Variants in POR observed in about 807,000 individuals in gnomAD.
POR encodes cytochrome p450 oxidoreductase.
Under a neutral mutation model 84.0 loss-of-function variants are expected in POR, and 56 were observed. The observed-to-expected ratio is 0.67, with a 90% CI of 0.54 to 0.83. The LOEUF is 0.83. POR is among the 40% of genes least tolerant of loss of function. The pLI is 0.00. For missense variants in POR, 938 were observed against 944.3 expected, an observed-to-expected ratio of 0.99 and a Z score of 0.09; for synonymous variants, 414 against 400.5, an observed-to-expected ratio of 1.03 and a Z score of -0.40.
At chr7:75,916,479 C>CT (rs56213572) in intron 1 of POR, among the ~76,000 whole-genome samples, 28,446 of 151,902 alleles carry the variant, frequency 0.19, 3,479 homozygotes, top group Non-Finnish European at 0.28. Context: ...GGTCCACTTC[C>CT]TTTTTTTTGG....
intron 7 of POR, 28 bp downstream of exon 7, chr7:75,981,634 G>A: frequency 6.3e-7 from 1 of 1,599,784 alleles, no homozygotes; most frequent in Non-Finnish European, 8.5e-7. Context: ...GGTGCGGTGG[G>A]TGGCCTGGGC....
At chr7:75,926,009 T>C (rs1807098108) in intron 1 of POR, among the ~76,000 whole-genome samples, 1 of 151,652 alleles carries the variant, frequency 6.6e-6, no homozygotes, top group Admixed American at 6.6e-5. Context: ...TCCTGCTTTT[T>C]TTTCTTTCTC....
chr7:75,942,339 T>C (rs540796415), intron 1 of POR, among the ~76,000 whole-genome samples: 44 of 152,334 alleles, frequency 2.9e-4, no homozygotes, highest in East Asian at 1.9e-4. Context: ...TGTAATGAGA[T>C]TGTATAGGTG....
At position 75,981,111 on chromosome 7, in the gene POR, C is replaced by T. The variant is rs782025961; in HGVS notation, c.580C>T (p.Arg194Trp). 1.2e-4 allele frequency: 188 copies of T among 1,566,148 alleles called. No individual in the cohort carries two copies. Among genetic ancestry groups the T allele is most frequent in the Non-Finnish European group, 1.4e-4 (161 of 1,156,544 alleles). Residue 194 changes from arginine (R) to tryptophan (W), a missense_variant, in exon 6 of 16, where the codon CGG becomes TGG. Transcript: ENST00000461988. ...TGCCATGGGCAAGTACGTGGACAAG[C>T]GGCTGGAGCAGCTCGGCGCCCAGCG...
rs782213151 is a variant in POR, at chr7:75,979,475, G to A, written c.262G>A (p.Gly88Ser). The change falls in exon 4 of 16, where the codon GGC becomes AGC. Residue 88 changes from glycine (G) to serine (S), a missense_variant. Gly to Ser is a moderately conservative substitution (Grantham distance 56). Coordinates refer to ENST00000461988, the MANE Select transcript of POR (RefSeq NM_000941.3). Reference sequence around the variant, plus strand: ...GGGGAGGAACATCATCGTGTTCTACGGCTCCCAGACGGGGACTGCAGAGGA... The same window carrying A: ...GGGGAGGAACATCATCGTGTTCTACAGCTCCCAGACGGGGACTGCAGAGGA... 1.3e-5 allele frequency: 21 copies of A among 1,613,454 alleles called. No homozygotes were observed. Among genetic ancestry groups the A allele is most frequent in the Admixed American group, 3.3e-5 (2 of 59,994 alleles).
intron 3 of POR, among the ~76,000 whole-genome samples, chr7:75,979,184 T>C (rs995646888): frequency 1.3e-5 from 2 of 152,238 alleles, no homozygotes; most frequent in African/African-American, 2.4e-5. Context: ...TTTTTAACTT[T>C]GTTTTTTCCC....
At chr7:75,976,204 A>C (rs1431474893) in intron 3 of POR, among the ~76,000 whole-genome samples, 3 of 152,154 alleles carry the variant, frequency 2.0e-5, no homozygotes, top group Non-Finnish European at 4.4e-5. Flanking sequence ...GATAATCATG[A>C]GCACTTTCTC....
intron 2 of POR, among the ~76,000 whole-genome samples, chr7:75,959,795 T>C (rs1787854996): frequency 6.6e-6 from 1 of 152,136 alleles, no homozygotes; most frequent in Admixed American, 6.6e-5. Flanking sequence ...GGGATTTTTG[T>C]TGGAATTGGA....
chr7:75,981,861 C>T, intron 7 of POR: 1 of 579,374 alleles, frequency 1.7e-6, no homozygotes, highest in Non-Finnish European at 3.1e-6. Context: ...TCAACTTTGG[C>T]AAAAGGGCTC....
Position 75,953,987 on chromosome 7 carries a change from A to G in POR, c.-4-2A>G, listed in dbSNP as rs1554553307. ...ACATCTGCTGTTTCTGTCTCCTAAC[A>G]GTTTCATGATCAACATGGGAGACTC... On this transcript the variant is annotated splice_acceptor_variant, in intron 1 of 15. Coordinates refer to ENST00000461988, the MANE Select transcript of POR (RefSeq NM_000941.3). LOFTEE classifies it low-confidence loss of function (5UTR_SPLICE). 3 of 1,578,938 alleles carry G rather than the reference A, an allele frequency of 1.9e-6. No individual in the cohort carries two copies. The highest frequency in any genetic ancestry group is 2.6e-6 in the Non-Finnish European group (3 of 1,161,010).
intron 7 of POR, 70 bp downstream of exon 7, chr7:75,981,676 C>A: frequency 7.6e-7 from 1 of 1,317,902 alleles, no homozygotes; most frequent in Non-Finnish European, 1.1e-6. Context: ...CACCCTGGAA[C>A]AAGGGCTGGC....
intron 1 of POR, among the ~76,000 whole-genome samples, chr7:75,944,795 A>C (rs1787105449): frequency 6.6e-6 from 1 of 152,216 alleles, no homozygotes; most frequent in Admixed American, 6.5e-5. Flanking sequence ...TGGAGGAGAC[A>C]GAAGAGAGAA....
intron 2 of POR, among the ~76,000 whole-genome samples, chr7:75,954,789 C>A (rs572932896): frequency 2.0e-5 from 3 of 150,604 alleles, no homozygotes; most frequent in African/African-American, 4.9e-5. Context: ...CTCACTGCAA[C>A]CTCTGCCTCC....
chr7:75,981,928 G>C, intron 7 of POR: 1 of 567,234 alleles, frequency 1.8e-6, no homozygotes, highest in Non-Finnish European at 3.1e-6. Context: ...TCCTCTCTGT[G>C]CCCTTGATGG....
intron 2 of POR, among the ~76,000 whole-genome samples, chr7:75,968,559 T>C (rs1788289570): frequency 6.6e-6 from 1 of 152,386 alleles, no homozygotes; most frequent in African/African-American, 2.4e-5. Context: ...ACTTTGCTTC[T>C]TGGAGCCCCC....
chr7:75,923,274 G>T, intron 1 of POR: 1 of 1,233,152 alleles, frequency 8.1e-7, no homozygotes, highest in Non-Finnish European at 1.2e-6. Flanking sequence ...CCTCATTCAT[G>T]AAATTGCCTT....
Position 75,980,434 on chromosome 7 carries a change from C to T in POR, c.462C>T (p.Asp154=). 2 of 1,613,342 alleles carry T rather than the reference C, an allele frequency of 1.2e-6. No homozygotes were observed. The highest frequency in any genetic ancestry group is 1.7e-6 in the Non-Finnish European group (2 of 1,179,882). The change falls in exon 5 of 16, where the codon GAC becomes GAT. Residue 154 remains aspartate (D), a synonymous_variant. Transcript: ENST00000461988. ...GAGACCCCACCGACAATGCCCAGGA[C>T]TTCTACGACTGGCTGCAGGAGACAG...
At chr7:75,930,686 C>G (rs1168899054) in intron 1 of POR, among the ~76,000 whole-genome samples, 1 of 152,018 alleles carries the variant, frequency 6.6e-6, no homozygotes, top group Non-Finnish European at 1.5e-5. Context: ...CCACGCCCGT[C>G]TAATTTTGTA....
chr7:75,938,997 T>C lies in POR; in HGVS notation c.-4-14992T>C, dbSNP rs1387144120. Among the ~76,000 whole-genome samples the C allele has an allele frequency of 3.3e-5, 5 of 152,300 alleles. 1 individual carries two copies. The highest frequency in any genetic ancestry group is 1.2e-4 in the African/African-American group (5 of 41,576). On this transcript the variant is annotated intron_variant, in intron 1 of 15. Transcript: ENST00000461988. ...CCCCTTCCTTGACTGTTTCAGACTG[T>C]CATGCCTGCTTTTTCCTTCCAGCTC... is the stretch of plus-strand genomic sequence containing the variant.
Sources: allele counts gnomAD v4.1 joint callset (sites outside exome capture counted in the v4.1 genomes callset), GRCh38; gene constraint gnomAD v4.1.1; transcripts MANE v1.5; gene names NCBI Gene and HGNC (gene_info 2026-07-23, HGNC 2026-07-21).